The following SOD2 variants were observed in gnomAD, a reference collection of about 807,000 sequenced individuals.
SOD2 encodes superoxide dismutase 2.
Under a neutral mutation model 27.0 loss-of-function variants are expected in SOD2, and 11 were observed. That is an observed-to-expected ratio of 0.41 (90% CI 0.26 to 0.67). The LOEUF (loss-of-function observed/expected upper bound fraction) is 0.67. Ranked by LOEUF, SOD2 falls within the 30% of genes least tolerant of loss-of-function variation. SOD2 has a pLI of 0.34. For synonymous variants in SOD2, 105 were observed against 103.0 expected, an observed-to-expected ratio of 1.02 and a Z score of -0.12; for missense variants, 250 against 274.5, an observed-to-expected ratio of 0.91 and a Z score of 0.63.
rs549974854 is a variant in SOD2, at chr6:159,713,008, T to G, written c.-116+14121A>C. 4.1e-5 allele frequency: 26 copies of G among 638,682 alleles called. No individual in the cohort carries two copies. The South Asian group carries it at 5.2e-4, about 13-fold the overall frequency. The allele number at this position is 638,682 out of a possible 1,614,324, so 39.6% of individuals were successfully genotyped here. ...CTTCGTGAGCAGCAAACTCAACATC[T>G]GCCCTACCAGTAAACTCTGTCATCG... is the stretch of plus-strand genomic sequence containing the variant. On this transcript the variant is annotated intron_variant, in intron 1 of 2. Transcript: ENST00000401980.
chr6:159,688,085 G>A (rs767198425), intron 3 of SOD2, 41 bp downstream of exon 3: 5 of 1,076,824 alleles, frequency 4.6e-6, no homozygotes, highest in Admixed American at 3.6e-5. Flanking sequence ...GATTCCTACT[G>A]TGCACAAAAT....
At chr6:159,719,954 C>A (rs1160705536) in intron 1 of SOD2, among the ~76,000 whole-genome samples, 1 of 151,286 alleles carries the variant, frequency 6.6e-6, no homozygotes, top group East Asian at 1.9e-4. Context: ...GAACTCCCGA[C>A]CTCAAGTGAT....
At position 159,671,328 on chromosome 6, in the gene SOD2, C is replaced by T. The variant is rs1779655299; in HGVS notation, c.*11165G>A. The T allele has an allele frequency of 6.6e-6, 1 of 152,480 alleles. No individual in the cohort carries two copies. Among genetic ancestry groups the T allele is most frequent in the African/African-American group, 2.4e-5 (1 of 41,470 alleles). The allele number at this position is 152,480 out of a possible 1,614,324, so 9.4% of individuals were successfully genotyped here. On this transcript the variant is annotated 3_prime_UTR_variant, in exon 5 of 5. Coordinates refer to ENST00000538183, the MANE Select transcript of SOD2 (RefSeq NM_000636.4). ...AGTCCCTGACCCCCGAGTAGCCTAA[C>T]TGGGAGGCACCCCCAAGTAGGGGCA...
At chr6:159,761,516 G>A (rs1043473500) in exon 1 of SOD2, 4 of 455,944 alleles carry the variant, frequency 8.8e-6, no homozygotes, top group South Asian at 4.7e-5. Context: ...CTGGCGCCAG[G>A]AGAAACGCAT....
intron 1 of SOD2, among the ~76,000 whole-genome samples, chr6:159,741,044 T>G (rs1404546389): frequency 1.3e-5 from 2 of 152,210 alleles, no homozygotes; most frequent in Non-Finnish European, 2.9e-5. Flanking sequence ...TTTTTAAGAT[T>G]ATAAAATGGT....
upstream of SOD2, among the ~76,000 whole-genome samples, chr6:159,729,891 C>G (rs1264615615): frequency 6.6e-6 from 1 of 152,150 alleles, no homozygotes; most frequent in East Asian, 1.9e-4. Flanking sequence ...CTTTATGATG[C>G]TAAGAGCCAG....
intron 1 of SOD2, among the ~76,000 whole-genome samples, chr6:159,743,070 CAG>C (rs1779358419): frequency 6.6e-6 from 1 of 152,236 alleles, no homozygotes; most frequent in Non-Finnish European, 1.5e-5. Context: ...TTGTTTGAGA[CAG>C]GGTCTCGCAC....
chr6:159,719,460 G>C (rs1030846504), intron 1 of SOD2, among the ~76,000 whole-genome samples: 1 of 151,802 alleles, frequency 6.6e-6, no homozygotes, highest in Non-Finnish European at 1.5e-5. Context: ...CCAAGGAGGC[G>C]GAGGTTGCAG....
chr6:159,756,628 G>T (rs1780017418), intron 1 of SOD2, among the ~76,000 whole-genome samples: 1 of 118,838 alleles, frequency 8.4e-6, no homozygotes, highest in Admixed American at 1.1e-4. Context: ...TTGAGACAGG[G>T]TCTTGCTTTG....
chr6:159,744,531 T>TC (rs5881336), intron 1 of SOD2, among the ~76,000 whole-genome samples: 118,058 of 152,100 alleles, frequency 0.78, 46,120 homozygotes, highest in South Asian at 0.85. Flanking sequence ...ACAGTCCTGT[T>TC]CTGTTTCTTT....
At chr6:159,720,824 C>G (rs1437752807) in intron 1 of SOD2, among the ~76,000 whole-genome samples, 1 of 135,504 alleles carries the variant, frequency 7.4e-6, no homozygotes, top group South Asian at 2.6e-4. Flanking sequence ...GATGGCTCCA[C>G]TATACAGGTG....
intron 4 of SOD2, among the ~76,000 whole-genome samples, chr6:159,684,649 T>G (rs1780103627): frequency 6.6e-6 from 1 of 152,174 alleles, no homozygotes; most frequent in African/African-American, 2.4e-5. Flanking sequence ...TGTTTGTTAA[T>G]GTACCTATAA....
exon 1 of SOD2, chr6:159,762,167 A>G (rs777365058): frequency 1.2e-6 from 2 of 1,604,384 alleles, no homozygotes; most frequent in Admixed American, 1.7e-5. Flanking sequence ...GGAGCCGCGC[A>G]GAGTCCGAGG....
Position 159,761,217 on chromosome 6 carries a change from C to T in SOD2, c.-516G>A, listed in dbSNP as rs17515875. 2.6e-4 allele frequency: 52 copies of T among 197,892 alleles called. 1 individual carries two copies. In the East Asian group the frequency reaches 7.9e-3, roughly 30 times the overall value. 12.3% of individuals were successfully genotyped at this position (197,892 alleles called of 1,614,324 possible). ...TCTTGTTCCACTATCCAGGTGTTCC[C>T]AACAAGTTGCTGTAACGGTGGCCCC... On this transcript the variant is annotated 5_prime_UTR_variant, in exon 1 of 8. Coordinates refer to the SOD2 transcript ENST00000546087.
At chr6:159,715,121 T>A (rs1356816519) in intron 1 of SOD2, among the ~76,000 whole-genome samples, 2 of 151,850 alleles carry the variant, frequency 1.3e-5, no homozygotes. Flanking sequence ...TTTCCCAGAC[T>A]TGTGTTTAGA....
rs1448265168 is a variant in SOD2, at chr6:159,762,033, G to A, written c.-1332C>T. On this transcript the variant is annotated 5_prime_UTR_variant, in exon 1 of 8. Transcript: ENST00000546087. ...GCGGCAGGCCTGTGGGCTGCGAGGA[G>A]GAGCTTTGCCTAGCTTGCAGGCAGC... The A allele has an allele frequency of 2.5e-6, 4 of 1,600,488 alleles. No individual in the cohort carries two copies. The East Asian group carries it at 6.8e-5, about 27-fold the overall frequency.
intron 1 of SOD2, chr6:159,713,648 T>C (rs1355287232): frequency 3.9e-6 from 4 of 1,015,732 alleles, no homozygotes; most frequent in Non-Finnish European, 6.1e-6. Flanking sequence ...ATGGAAGTCC[T>C]CTAAGCCAGA....
intron 1 of SOD2, chr6:159,755,541 G>A (rs1311489317): frequency 1.9e-6 from 3 of 1,614,094 alleles, no homozygotes; most frequent in Non-Finnish European, 2.5e-6. Flanking sequence ...AAAGGTAATC[G>A]AACTGTGGGT....
At chr6:159,727,508 C>A, upstream of SOD2, 1 of 992,542 alleles carries the variant, frequency 1.0e-6, no homozygotes, top group South Asian at 4.4e-5. Context: ...CTGGTTTCCT[C>A]CCTCAGCGCC....
Sources: allele counts gnomAD v4.1 joint callset (sites outside exome capture counted in the v4.1 genomes callset), GRCh38; gene constraint gnomAD v4.1.1; transcripts MANE v1.5; gene names NCBI Gene and HGNC (gene_info 2026-07-23, HGNC 2026-07-21).